The following CYP4A11 variants were observed in gnomAD, a reference collection of about 807,000 sequenced individuals.
CYP4A11 encodes cytochrome P450 4A11.
In CYP4A11, 52 loss-of-function variants were observed where a neutral mutation model predicts 57.7. The observed-to-expected ratio is 0.90, with a 90% CI of 0.72 to 1.14. The LOEUF is 1.14. Ranked by LOEUF, CYP4A11 falls within the 50% of genes most tolerant of loss-of-function variation. CYP4A11 has a pLI of 0.00. For missense variants in CYP4A11, 641 were observed against 642.1 expected, an observed-to-expected ratio of 1.00 and a Z score of 0.02; for synonymous variants, 228 against 247.1, an observed-to-expected ratio of 0.92 and a Z score of 0.72.
Position 46,937,332 on chromosome 1 carries a change from C to CA in CYP4A11, c.351dup (p.Gly118TrpfsTer36), listed in dbSNP as rs758687700. The stretch of plus-strand genomic sequence containing the variant: ...CATGGAGCCAGGAATCTGTAGGAAC[C>CA]ATGGGATTTCGGGTCTGAAAGGCAA... On this transcript the variant is annotated frameshift_variant, in exon 3 of 12. Transcript: ENST00000310638. LOFTEE classifies it high-confidence loss of function. The CA allele has an allele frequency of 1.2e-6, 2 of 1,614,022 alleles. No homozygotes were observed. Among genetic ancestry groups the CA allele is most frequent in the Admixed American group, 3.3e-5 (2 of 60,024 alleles).
At chr1:46,940,748 C>T (rs549610481) in intron 1 of CYP4A11, 15 of 985,438 alleles carry the variant, frequency 1.5e-5, no homozygotes, top group South Asian at 4.7e-5. Flanking sequence ...GAGTGAGCTC[C>T]TTTCCTGCAG....
At chr1:46,940,779 C>G in intron 1 of CYP4A11, 1 of 985,428 alleles carries the variant, frequency 1.0e-6, no homozygotes, top group Non-Finnish European at 1.2e-6. Flanking sequence ...TCTCAAATTC[C>G]TGCCTGTATT....
At chr1:46,934,912 T>G in intron 6 of CYP4A11, 88 bp downstream of exon 6, 1 of 1,553,704 alleles carries the variant, frequency 6.4e-7, no homozygotes, top group South Asian at 1.2e-5. Context: ...TCTGCAGGGT[T>G]ACTAGGGGCC....
chr1:46,937,756 A>G (rs979776255), intron 2 of CYP4A11, among the ~76,000 whole-genome samples: 1 of 152,202 alleles, frequency 6.6e-6, no homozygotes, highest in Admixed American at 6.5e-5. Flanking sequence ...GAAAACCTCA[A>G]TTTTCTTAAT....
In CYP4A11 at chr1:46,929,259, G is replaced by T. The variant is rs1320189991; in HGVS notation, c.*856C>A. The T allele has an allele frequency of 6.6e-6, 1 of 152,160 alleles. No homozygotes were observed. Among genetic ancestry groups the T allele is most frequent in the African/African-American group, 2.4e-5 (1 of 41,416 alleles). The allele number at this position is 152,160 out of a possible 1,614,324, so 9.4% of individuals were successfully genotyped here. On this transcript the variant is annotated 3_prime_UTR_variant, in exon 12 of 12. Coordinates refer to ENST00000310638, the MANE Select transcript of CYP4A11 (RefSeq NM_000778.4). ...GAACAGACAAGCAGGCAGGAAGAAG[G>T]AGACAGGTGTATGGGCAGACAGTCT...
intron 10 of CYP4A11, 22 bp downstream of exon 10, chr1:46,932,961 C>T (rs2148453917): frequency 1.9e-6 from 3 of 1,614,180 alleles, no homozygotes; most frequent in Non-Finnish European, 1.7e-6. Context: ...CACCTCATTT[C>T]CTCCTCTCAA....
In CYP4A11 at chr1:46,941,405, C is replaced by G. The variant is rs1681746022; in HGVS notation, c.29G>C (p.Arg10Thr). 2 of 1,614,156 alleles carry G rather than the reference C, an allele frequency of 1.2e-6. No individual in the cohort carries two copies. Among genetic ancestry groups the G allele is most frequent in the East Asian group, 4.5e-5 (2 of 44,860 alleles). MSVSVLSPS[R>T]LLGDVSGILQ... Reference sequence around the variant, plus strand: ...GATTCCAGAGACATCACCCAGGAGTCTGCTGGGGCTCAGCACAGAGACACT... The same window carrying G: ...GATTCCAGAGACATCACCCAGGAGTGTGCTGGGGCTCAGCACAGAGACACT... The change falls in exon 1 of 12, where the codon AGA (arginine) becomes ACA (threonine). Residue 10 changes from arginine (R) to threonine (T), a missense_variant. Arg to Thr is a moderately conservative substitution (Grantham distance 71, BLOSUM62 -1). Coordinates refer to ENST00000310638, the MANE Select transcript of CYP4A11 (RefSeq NM_000778.4).
In CYP4A11 at chr1:46,935,028, G is replaced by A. The variant is rs368465219; in HGVS notation, c.762C>T (p.Arg254=). The part of the protein sequence containing the change: ...SLTSAGRWTH[R]ACQLAHQHTD... Reference sequence around the variant, plus strand: ...TGTGCTGATGGGCCAGCTGGCAGGCGCGGTGTGTCCAGCGGCCAGCAGAGG... The same window carrying A: ...TGTGCTGATGGGCCAGCTGGCAGGCACGGTGTGTCCAGCGGCCAGCAGAGG... The change falls in exon 6 of 12, where the codon CGC becomes CGT. Residue 254 remains arginine (R), a synonymous_variant. Coordinates refer to ENST00000310638, the MANE Select transcript of CYP4A11 (RefSeq NM_000778.4). 56 of 1,614,110 alleles carry A rather than the reference G, an allele frequency of 3.5e-5. No homozygotes were observed. Among genetic ancestry groups the A allele is most frequent in the East Asian group, 4.5e-5 (2 of 44,870 alleles).
chr1:46,933,172 G>A, intron 9 of CYP4A11, 125 bp from the exon 10 acceptor site: 1 of 1,392,988 alleles, frequency 7.2e-7, no homozygotes, highest in African/African-American at 1.4e-5. Flanking sequence ...CTTTGACTGG[G>A]ATGATTCTGC....
chr1:46,933,721 C>G (rs185987020), intron 9 of CYP4A11, among the ~76,000 whole-genome samples: 1 of 152,346 alleles, frequency 6.6e-6, no homozygotes, highest in Admixed American at 6.5e-5. Flanking sequence ...GTTACTGACC[C>G]AAGGCCACAT....
chr1:46,936,822 T>A, intron 3 of CYP4A11, 31 bp from the exon 4 acceptor site: 2 of 1,197,000 alleles, frequency 1.7e-6, no homozygotes, highest in African/African-American at 3.0e-5. Flanking sequence ...TGTTTGTGTG[T>A]GTGTGTGTGT....
At chr1:46,937,853 G>A (rs1681508334) in intron 2 of CYP4A11, 143 bp downstream of exon 2, 4 of 1,286,842 alleles carry the variant, frequency 3.1e-6, no homozygotes, top group Non-Finnish European at 4.2e-6. Context: ...ACTATAGCCT[G>A]GGCATGGTGG....
chr1:46,940,152 T>C (rs1339817584), intron 1 of CYP4A11, among the ~76,000 whole-genome samples: 1 of 150,448 alleles, frequency 6.6e-6, no homozygotes, highest in African/African-American at 2.4e-5. Context: ...GCTGCTCCTT[T>C]CTCTTCTTCC....
chr1:46,932,956 C>A (rs1243393763), intron 10 of CYP4A11, 27 bp downstream of exon 10: 4 of 1,614,022 alleles, frequency 2.5e-6, no homozygotes, highest in Non-Finnish European at 3.4e-6. Context: ...GGGATCACCT[C>A]ATTTCCTCCT....
Position 46,933,023 on chromosome 1 carries a change from T to C in CYP4A11, c.1247A>G (p.Tyr416Cys), listed in dbSNP as rs1570063217. ...CACTTTTGGGTTGTGGTGAAGGCCA[T>C]AAATGGAGAGGAGGACCATGATACC... ...PKGIMVLLSIYGLHHNPKVWP... is the reference protein window; with the variant it reads ...PKGIMVLLSICGLHHNPKVWP... The change falls in exon 10 of 12, where the codon TAT becomes TGT. Residue 416 changes from tyrosine to cysteine, a missense_variant. Tyr to Cys is a radical substitution (Grantham distance 194, BLOSUM62 -2). Transcript: ENST00000310638. The C allele has an allele frequency of 1.2e-6, 2 of 1,614,098 alleles. No individual in the cohort carries two copies. The highest frequency in any genetic ancestry group is 4.5e-5 in the East Asian group (2 of 44,874).
At chr1:46,936,903 T>C (rs1345793647) in intron 3 of CYP4A11, 112 bp from the exon 4 acceptor site, 5 of 1,462,960 alleles carry the variant, frequency 3.4e-6, no homozygotes, top group African/African-American at 1.4e-5. Context: ...AAAGGTGGCT[T>C]CTCAAGGGGA....
chr1:46,933,977 G>A lies in CYP4A11; in HGVS notation c.1191C>T (p.Val397=). ...GCAAGGAGCGCCCATCAGGGAAGGT[G>A]ACGGGAGTGCTGAGCTCTCTGCCAA... is the stretch of plus-strand genomic sequence containing the variant. ...PGIGRELSTP[V]TFPDGRSLPK... is the part of the protein sequence containing the mutation. Residue 397 remains valine (V), a synonymous_variant, in exon 9 of 12, where the codon GTC becomes GTT. Transcript: ENST00000310638. 6.2e-7 allele frequency: 1 copy of A among 1,614,170 alleles called. No individual in the cohort carries two copies. Among genetic ancestry groups the A allele is most frequent in the South Asian group, 1.1e-5 (1 of 91,072 alleles).
At chr1:46,937,668 G>A (rs1315422762) in intron 2 of CYP4A11, among the ~76,000 whole-genome samples, 2 of 152,198 alleles carry the variant, frequency 1.3e-5, no homozygotes, top group African/African-American at 4.8e-5. Flanking sequence ...ACCAAGACAG[G>A]CAACAATTAG....
Position 46,934,207 on chromosome 1 carries a change from T to A in CYP4A11, c.1057A>T (p.Ser353Cys), listed in dbSNP as rs3899049. 2 of 1,613,810 alleles carry A rather than the reference T, an allele frequency of 1.2e-6. No individual in the cohort carries two copies. Among genetic ancestry groups the A allele is most frequent in the Non-Finnish European group, 1.7e-6 (2 of 1,179,818 alleles). ...HQERCREEIHSLLGDGASITW... is the reference protein window; with the variant it reads ...HQERCREEIHCLLGDGASITW... ...ATGGAGGCTCCATCACCCAGGAGGCTGTGGATCTCCTCCCGGCACCTCTCC... is the reference window on the plus strand; with the variant it reads ...ATGGAGGCTCCATCACCCAGGAGGCAGTGGATCTCCTCCCGGCACCTCTCC... The change falls in exon 8 of 12, where the codon AGC becomes TGC. Residue 353 changes from serine (S) to cysteine (C), a missense_variant. Transcript: ENST00000310638.
Sources: gnomAD v4.1 joint callset for allele counts (sites outside exome capture counted in the v4.1 genomes callset) on GRCh38, gnomAD v4.1.1 for gene constraint, MANE v1.5 for transcripts, NCBI Gene and HGNC (gene_info 2026-07-23, HGNC 2026-07-21) for gene names.